CSMD2: variants seen among roughly 807,000 people sequenced by gnomAD.
The protein encoded by CSMD2 is CUB and Sushi multiple domains 2.
In CSMD2, 130 loss-of-function variants were observed where a neutral mutation model predicts 398.5. That is an observed-to-expected ratio of 0.33 (90% CI 0.28 to 0.38). The LOEUF is 0.38. Ranked by LOEUF, CSMD2 falls within the 10% of genes least tolerant of loss-of-function variation. The probability of loss-of-function intolerance (pLI) is 1.00; values close to 1 mark genes in which losing one functional copy is unlikely to be tolerated. For missense variants in CSMD2, 3,829 were observed against 4,764.9 expected (o/e 0.80, Z 5.78); for synonymous variants, 1,828 against 1,908.5 (o/e 0.96, Z 1.10).
intron 3 of CSMD2, among the ~76,000 whole-genome samples, chr1:34,003,708 G>A (rs1646971496): frequency 6.6e-6 from 1 of 152,032 alleles, no homozygotes; most frequent in African/African-American, 2.4e-5. Context: ...CACCCTGGAG[G>A]GACTCTACTG....
chr1:33,630,065 T>TCTTCCTTCCTTC (rs562242200), intron 32 of CSMD2, among the ~76,000 whole-genome samples: 34 of 151,150 alleles, frequency 2.2e-4, no homozygotes, highest in African/African-American at 7.7e-4. Context: ...TCCCCCATCT[T>TCTTCCTTCCTTC]CTTCCTTCCT....
Position 33,537,676 on chromosome 1 carries a change from C to G in CSMD2, c.9632-67G>C. 6.7e-7 allele frequency: 1 copy of G among 1,486,292 alleles called. No individual in the cohort carries two copies. The highest frequency in any genetic ancestry group is 9.1e-7 in the Non-Finnish European group (1 of 1,099,830). 92.1% of individuals were successfully genotyped at this position (1,486,292 alleles called of 1,614,324 possible). A position where few individuals can be genotyped will look rare whatever the true frequency, so the allele number is the denominator to read the frequency against. On this transcript the variant is annotated intron_variant, in intron 60 of 70. Coordinates refer to ENST00000373381, the MANE Select transcript of CSMD2 (RefSeq NM_001281956.2). The surrounding 1 kb of genome is among the most constrained non-coding windows in gnomAD (Gnocchi z 4.6). The stretch of plus-strand genomic sequence containing the variant: ...CAGAACCCAATCTTCCAGTCCCACA[C>G]CCCCATCTTTGTTCTTTGCACTGCT...
At chr1:33,669,679 G>T (rs543902783) in intron 25 of CSMD2, among the ~76,000 whole-genome samples, 4 of 152,156 alleles carry the variant, frequency 2.6e-5, no homozygotes, top group Non-Finnish European at 5.9e-5. Flanking sequence ...CTTACCCCTG[G>T]TACCTGTGTG....
At chr1:33,918,041 T>C in intron 5 of CSMD2, 53 bp downstream of exon 5, 1 of 1,533,016 alleles carries the variant, frequency 6.5e-7, no homozygotes, top group Non-Finnish European at 9.0e-7. Flanking sequence ...AGCATCCCAG[T>C]AATTCACAGT....
chr1:33,580,196 C>T (rs1638594214), intron 48 of CSMD2, among the ~76,000 whole-genome samples: 2 of 152,216 alleles, frequency 1.3e-5, no homozygotes, highest in Admixed American at 1.3e-4. Flanking sequence ...AAGTTTTCTT[C>T]CAACCACAGA....
chr1:33,737,671 T>C (rs1384582711), intron 15 of CSMD2, among the ~76,000 whole-genome samples: 3 of 152,162 alleles, frequency 2.0e-5, no homozygotes, highest in Non-Finnish European at 2.9e-5. Flanking sequence ...CTTTCATTGA[T>C]ATGCGTCTCA....
chr1:33,612,701 A>G (rs1434084632), intron 40 of CSMD2, among the ~76,000 whole-genome samples: 4 of 113,156 alleles, frequency 3.5e-5, no homozygotes, highest in Non-Finnish European at 5.3e-5. Flanking sequence ...TTTTTTTTTG[A>G]GACAGAGTCT....
At chr1:33,888,756 T>TTGTTGTTGTTGTTG (rs1553244526) in intron 5 of CSMD2, among the ~76,000 whole-genome samples, 112 of 148,936 alleles carry the variant, frequency 7.5e-4, no homozygotes, top group Non-Finnish European at 1.6e-4. Context: ...TCAACTGATT[T>TTGTTGTTGTTGTTG]TTGTTGTTGT....
intron 29 of CSMD2, among the ~76,000 whole-genome samples, chr1:33,642,211 G>T (rs1643146471): frequency 6.6e-6 from 1 of 151,966 alleles, no homozygotes; most frequent in African/African-American, 2.4e-5. Flanking sequence ...GCCGGGTGTG[G>T]TGATGCATGC....
At chr1:33,770,557 G>A (rs999213294) in intron 13 of CSMD2, among the ~76,000 whole-genome samples, 6 of 152,220 alleles carry the variant, frequency 3.9e-5, no homozygotes, top group African/African-American at 1.4e-4. Flanking sequence ...CTTCCTCCAT[G>A]GAAGCCAGCA....
intron 64 of CSMD2, among the ~76,000 whole-genome samples, chr1:33,529,841 C>T (rs1249573721): frequency 6.6e-6 from 1 of 152,154 alleles, no homozygotes; most frequent in Non-Finnish European, 1.5e-5. Flanking sequence ...AGCGAAAAGA[C>T]ACCCCGTGAA....
At chr1:33,626,958 GACTGGTGGTTT>G (rs1642166117) in intron 32 of CSMD2, among the ~76,000 whole-genome samples, 1 of 152,164 alleles carries the variant, frequency 6.6e-6, no homozygotes, top group Admixed American at 6.5e-5. Flanking sequence ...CAAGCCGGCT[GACTGGTGGTTT>G]ACTTGGAAAA....
intron 14 of CSMD2, among the ~76,000 whole-genome samples, chr1:33,741,267 C>T (rs1647056289): frequency 6.6e-6 from 1 of 152,058 alleles, no homozygotes; most frequent in South Asian, 2.1e-4. Context: ...GGCAAGCTCC[C>T]TGACACTGGG....
chr1:33,753,548 A>AC (rs1281048309), intron 13 of CSMD2, among the ~76,000 whole-genome samples: 9 of 152,098 alleles, frequency 5.9e-5, no homozygotes, highest in Non-Finnish European at 1.0e-4. Flanking sequence ...TGGGGTTGGA[A>AC]CCCCCACACA....
Position 33,709,182 on chromosome 1 carries a change from AT to A in CSMD2, c.3482del (p.Asn1161IlefsTer18). The A allele has an allele frequency of 6.2e-7, 1 of 1,614,078 alleles. No individual in the cohort carries two copies. Among genetic ancestry groups the A allele is most frequent in the Non-Finnish European group, 8.5e-7 (1 of 1,179,934 alleles). On this transcript the variant is annotated frameshift_variant, in exon 22 of 71. Coordinates refer to ENST00000373381, the MANE Select transcript of CSMD2 (RefSeq NM_001281956.2). LOFTEE classifies it high-confidence loss of function. ...SPNFPVNYNN[N>X]HECIYSIQTQ... The stretch of plus-strand genomic sequence containing the variant: ...TCTGGATGGAGTAGATGCATTCATG[AT>A]TGTTATTGTAGTTCACAGGAAAGTT...
intron 1 of CSMD2, among the ~76,000 whole-genome samples, chr1:34,120,871 ATTAGAAG>A (rs1478125329): frequency 6.6e-6 from 1 of 152,082 alleles, no homozygotes; most frequent in Non-Finnish European, 1.5e-5. Context: ...ATATCTTTCC[ATTAGAAG>A]AAAATAAAAC....
intron 6 of CSMD2, among the ~76,000 whole-genome samples, chr1:33,837,929 G>C (rs1039680231): frequency 6.6e-6 from 1 of 152,206 alleles, no homozygotes; most frequent in African/African-American, 2.4e-5. Flanking sequence ...CGGGACACAT[G>C]GTACACATTT....
chr1:33,736,354 G>A (rs1033269592), intron 15 of CSMD2, among the ~76,000 whole-genome samples: 3 of 151,914 alleles, frequency 2.0e-5, no homozygotes, highest in Non-Finnish European at 4.4e-5. Flanking sequence ...GGTGGTGGGC[G>A]CCTGTAGTCC....
At chr1:33,864,219 A>G (rs1431902578) in intron 5 of CSMD2, 20 of 1,608,420 alleles carry the variant, frequency 1.2e-5, no homozygotes, top group Non-Finnish European at 1.6e-5. Flanking sequence ...GCTAAAGCCT[A>G]AGGCAAATGT....
Sources: allele counts gnomAD v4.1 joint callset (sites outside exome capture counted in the v4.1 genomes callset), GRCh38; gene constraint gnomAD v4.1.1; non-coding constraint Gnocchi (gnomAD v3.1); transcripts MANE v1.5; gene names NCBI Gene and HGNC (gene_info 2026-07-23, HGNC 2026-07-21).